PALLD: variants seen among roughly 807,000 people sequenced by gnomAD.
The protein encoded by PALLD is palladin.
PALLD carries 61 observed loss-of-function variants against 123.5 expected under a neutral mutation model. That is an observed-to-expected ratio of 0.49 (90% CI 0.40 to 0.61). The LOEUF (loss-of-function observed/expected upper bound fraction) is 0.61, where lower values mean the gene tolerates loss of function less well. PALLD is among the 20% of genes least tolerant of loss of function. PALLD has a pLI of 0.00. For synonymous variants in PALLD, 465 were observed against 496.4 expected (o/e 0.94, Z 0.84); for missense variants, 1,273 against 1,377.0 (o/e 0.92, Z 1.20).
At chr4:168,652,756 A>G (rs372734517) in intron 2 of PALLD, among the ~76,000 whole-genome samples, 153 of 152,352 alleles carry the variant, frequency 1.0e-3, no homozygotes, top group African/African-American at 3.2e-3. Flanking sequence ...AAACAGGGAA[A>G]CATCATAGTA....
intron 8 of PALLD, among the ~76,000 whole-genome samples, chr4:168,705,465 A>G (rs1784136146): frequency 6.6e-6 from 1 of 152,148 alleles, no homozygotes; most frequent in Non-Finnish European, 1.5e-5. Context: ...TTTCCTTAAC[A>G]AGTCTTTCCA....
chr4:168,658,291 T>TG (rs1048793017), intron 2 of PALLD, among the ~76,000 whole-genome samples: 2 of 148,698 alleles, frequency 1.3e-5, no homozygotes, highest in African/African-American at 5.0e-5. Flanking sequence ...TTTGGTTTTT[T>TG]TTTTTTTTTT....
Position 168,923,350 on chromosome 4 carries a change from G to A in PALLD, c.3059-905G>A, listed in dbSNP as rs149471792. On this transcript the variant is annotated intron_variant, in intron 18 of 21. Transcript: ENST00000505667. Reference sequence around the variant, plus strand: ...TTCATCCTTTTTGAGCTCTTTCCTAGCTGCTTTGCTGTGATATATCTGTCA... The same window carrying A: ...TTCATCCTTTTTGAGCTCTTTCCTAACTGCTTTGCTGTGATATATCTGTCA... Among the ~76,000 whole-genome samples, 8 of 152,302 alleles carry A rather than the reference G, an allele frequency of 5.3e-5. No homozygotes were observed. The East Asian group carries it at 1.5e-3, about 29-fold the overall frequency.
chr4:168,645,097 C>CAAAAA (rs58366362), intron 2 of PALLD, among the ~76,000 whole-genome samples: 2 of 117,056 alleles, frequency 1.7e-5, no homozygotes, highest in Non-Finnish European at 1.9e-5. Flanking sequence ...GACACAGTCT[C>CAAAAA]AAAAAAAAAA....
At chr4:168,851,012 G>C (rs1022812797) in intron 10 of PALLD, among the ~76,000 whole-genome samples, 1 of 152,164 alleles carries the variant, frequency 6.6e-6, no homozygotes, top group African/African-American at 2.4e-5. Context: ...AAGTGTGACT[G>C]AGAGGCCAGA....
chr4:168,754,265 C>T (rs1731465550), intron 10 of PALLD, among the ~76,000 whole-genome samples: 1 of 152,200 alleles, frequency 6.6e-6, no homozygotes, highest in African/African-American at 2.4e-5. Flanking sequence ...TATCAGTGCT[C>T]TTCCATTGTG....
At chr4:168,697,256 C>G (rs1485076422) in intron 8 of PALLD, among the ~76,000 whole-genome samples, 3 of 152,188 alleles carry the variant, frequency 2.0e-5, no homozygotes, top group African/African-American at 4.8e-5. Flanking sequence ...CTTGTAAGAT[C>G]CCCCAAATTT....
chr4:168,531,442 C>G (rs1764587877), intron 2 of PALLD, among the ~76,000 whole-genome samples: 1 of 152,130 alleles, frequency 6.6e-6, no homozygotes, highest in South Asian at 2.1e-4. Flanking sequence ...GATGTAATAC[C>G]AATTCCATTA....
chr4:168,578,484 G>A (rs943596905), intron 2 of PALLD, among the ~76,000 whole-genome samples: 3 of 152,012 alleles, frequency 2.0e-5, no homozygotes, highest in Non-Finnish European at 2.9e-5. Context: ...ATGTGAAGAA[G>A]GACATGTTTG....
chr4:168,694,091 C>CA (rs1561409097), intron 8 of PALLD, among the ~76,000 whole-genome samples: 1 of 152,050 alleles, frequency 6.6e-6, no homozygotes, highest in Non-Finnish European at 1.5e-5. Flanking sequence ...GAGGAAAAAA[C>CA]AAAAAATAAA....
intron 10 of PALLD, among the ~76,000 whole-genome samples, chr4:168,733,890 G>A (rs993379285): frequency 4.5e-4 from 68 of 152,054 alleles, no homozygotes; most frequent in African/African-American, 1.3e-3. Flanking sequence ...GCCCGCCACC[G>A]CACCTGGCTA....
intron 2 of PALLD, among the ~76,000 whole-genome samples, chr4:168,586,914 T>C (rs1346423786): frequency 6.6e-6 from 1 of 151,984 alleles, no homozygotes; most frequent in Non-Finnish European, 1.5e-5. Context: ...TAGCTAGGGG[T>C]ACCATGCGAT....
At chr4:168,850,483 T>C (rs1747582183) in intron 10 of PALLD, among the ~76,000 whole-genome samples, 1 of 150,502 alleles carries the variant, frequency 6.6e-6, no homozygotes, top group South Asian at 2.1e-4. Flanking sequence ...GGAAAGTCAG[T>C]CTCCTTTTCT....
At chr4:168,923,923 ATAATCAC>A (rs1371272042) in intron 18 of PALLD, among the ~76,000 whole-genome samples, 5 of 75,720 alleles carry the variant, frequency 6.6e-5, no homozygotes, top group South Asian at 5.8e-4. Flanking sequence ...GATCGGTAAC[ATAATCAC>A]TAGTAGTGAA....
intron 8 of PALLD, 29 bp downstream of exon 8, chr4:168,691,321 T>G: frequency 6.3e-7 from 1 of 1,575,238 alleles, no homozygotes; most frequent in Admixed American, 1.7e-5. Context: ...TTTTTTTTTT[T>G]GGTGGTGGGG....
At chr4:168,741,353 G>T (rs528657963) in intron 10 of PALLD, among the ~76,000 whole-genome samples, 3,919 of 72,400 alleles carry the variant, frequency 0.054, 81 homozygotes, top group Non-Finnish European at 0.092. Context: ...TTTTTTGTGT[G>T]TGTGTGTGTG....
rs78232628 is a variant in PALLD at position 168,577,273 on chromosome 4, A to G, written c.908+64861A>G. On this transcript the variant is annotated intron_variant, in intron 2 of 21. Coordinates refer to ENST00000505667, the MANE Select transcript of PALLD (RefSeq NM_001166108.2). ...TGACTACAGGAATTGGCCAAGACTC[A>G]GCTATTGTTATAGACACATACACCT... Among the ~76,000 whole-genome samples the G allele has an allele frequency of 5.0e-3, 759 of 152,238 alleles. 9 individuals are homozygous for G. Among genetic ancestry groups the G allele is most frequent in the African/African-American group, 0.017 (724 of 41,552 alleles).
At chr4:168,562,018 A>T (rs1402226444) in intron 2 of PALLD, among the ~76,000 whole-genome samples, 1 of 152,168 alleles carries the variant, frequency 6.6e-6, no homozygotes, top group African/African-American at 2.4e-5. Flanking sequence ...ATTTATTCTC[A>T]TAACAGCTGG....
At chr4:168,900,428 A>G (rs1267978866) in intron 14 of PALLD, among the ~76,000 whole-genome samples, 1 of 152,240 alleles carries the variant, frequency 6.6e-6, no homozygotes, top group Non-Finnish European at 1.5e-5. Context: ...TAATGAAAGA[A>G]CAAGATAGTA....
Sources: allele counts gnomAD v4.1 joint callset (sites outside exome capture counted in the v4.1 genomes callset), GRCh38; gene constraint gnomAD v4.1.1; transcripts MANE v1.5; gene names NCBI Gene and HGNC (gene_info 2026-07-23, HGNC 2026-07-21).